Variants in ACSS2 observed in about 807,000 individuals in gnomAD.
ACSS2 encodes acyl-CoA synthetase short chain family member 2, also known as acetyl-coenzyme A synthetase, cytoplasmic.
Under a neutral mutation model 90.6 loss-of-function variants are expected in ACSS2, and 58 were observed. That is an observed-to-expected ratio of 0.64 (90% CI 0.52 to 0.80). The LOEUF is 0.80. ACSS2 is among the 30% of genes least tolerant of loss of function. ACSS2 has a pLI of 0.00. For synonymous variants in ACSS2, 300 were observed against 330.9 expected (o/e 0.91, Z 1.01); for missense variants, 759 against 912.0 (o/e 0.83, Z 2.16).
intron 2 of ACSS2, among the ~76,000 whole-genome samples, chr20:34,901,698 T>TCCAAACTTCAATAA (rs2080662519): frequency 6.6e-6 from 1 of 152,198 alleles, no homozygotes; most frequent in Non-Finnish European, 1.5e-5. Context: ...GCTGTAAAGG[T>TCCAAACTTCAATAA]CATCTCAAAC....
chr20:34,926,180 G>C lies in ACSS2; in HGVS notation c.1802G>C (p.Gly601Ala), dbSNP rs45486997. ...GCTGTTGCAGAGGCAGCTGTGGTGG[G>C]CCACCCTCATCCTGTGAAGGGTGAA... ...HEAVAEAAVV[G>A]HPHPVKGECL... Residue 601 changes from glycine to alanine, a missense_variant, in exon 16 of 18, where the codon GGC (glycine) becomes GCC (alanine). Transcript: ENST00000360596. The C allele has an allele frequency of 6.8e-3, 10,993 of 1,614,140 alleles. 569 individuals are homozygous for C. The African/African-American group carries it at 0.12, about 17-fold the overall frequency.
intron 2 of ACSS2, among the ~76,000 whole-genome samples, chr20:34,897,796 T>G (rs2080502323): frequency 6.6e-6 from 1 of 151,676 alleles, no homozygotes; most frequent in African/African-American, 2.4e-5. Flanking sequence ...GCCACCACAC[T>G]CCAGCCTGGG....
intron 2 of ACSS2, chr20:34,908,992 G>A (rs1009758667): frequency 2.3e-6 from 1 of 425,750 alleles, no homozygotes; most frequent in Non-Finnish European, 4.6e-6. Flanking sequence ...GCATTTATTT[G>A]TTAAATAAAT....
At position 34,876,630 on chromosome 20, in the gene ACSS2, C is replaced by G; in HGVS notation, c.-16C>G. 3.8e-6 allele frequency: 5 copies of G among 1,330,484 alleles called. No individual in the cohort carries two copies. Among genetic ancestry groups the G allele is most frequent in the Non-Finnish European group, 4.8e-6 (5 of 1,033,962 alleles). 82.4% of individuals were successfully genotyped at this position (1,330,484 alleles called of 1,614,324 possible). On this transcript the variant is annotated 5_prime_UTR_variant, in exon 1 of 18. Coordinates refer to ENST00000360596, the MANE Select transcript of ACSS2 (RefSeq NM_018677.4). ...CGCGACCGCAAAGGCGGCCGCGGTTCTAGGAACTTGACGTGATGGGGCTTC... is the reference window on the plus strand; with the variant it reads ...CGCGACCGCAAAGGCGGCCGCGGTTGTAGGAACTTGACGTGATGGGGCTTC...
chr20:34,902,913 A>ATT (rs2080704023), intron 2 of ACSS2, among the ~76,000 whole-genome samples: 1 of 84,756 alleles, frequency 1.2e-5, no homozygotes, highest in African/African-American at 4.1e-5. Flanking sequence ...TTTTTTTTTT[A>ATT]GTAGAGAGAG....
chr20:34,925,938 G>A (rs2081309120), intron 15 of ACSS2, among the ~76,000 whole-genome samples, 167 bp from the exon 16 acceptor site: 1 of 152,232 alleles, frequency 6.6e-6, no homozygotes, highest in South Asian at 2.1e-4. Context: ...AATGTGCCTA[G>A]AGTAGGGGAA....
At position 34,914,168 on chromosome 20, in the gene ACSS2, A is replaced by ATTT; in HGVS notation, c.716_717insTTT (p.Glu239delinsAspLeu). ...GACGAGGCCCTGCAGAAGTGTCAGG[A>ATTT]GAAGTAAGTGTGTTTGGCTACTGTC... On this transcript the variant is annotated protein_altering_variant, in exon 6 of 18. Coordinates refer to ENST00000360596, the MANE Select transcript of ACSS2 (RefSeq NM_018677.4). The ATTT allele has an allele frequency of 3.7e-6, 6 of 1,614,128 alleles. No homozygotes were observed. The highest frequency in any genetic ancestry group is 5.1e-6 in the Non-Finnish European group (6 of 1,179,994).
chr20:34,890,947 C>CAA lies in ACSS2; in HGVS notation c.374+7974_374+7975dup, dbSNP rs5841185. ...ATATGTGTGTGTGTGTATTTGAGGC[C>CAA]AAAAAAAAAAAAAAAAAGTCCCTAC... On this transcript the variant is annotated intron_variant, in intron 2 of 17. Transcript: ENST00000360596. Among the ~76,000 whole-genome samples, 1,092 of 109,788 alleles carry CAA rather than the reference C, an allele frequency of 9.9e-3. 13 individuals are homozygous for CAA. Among genetic ancestry groups the CAA allele is most frequent in the African/African-American group, 0.033 (926 of 27,906 alleles). The allele number at this position is 109,788 out of a possible 152,430, so 72.0% of individuals were successfully genotyped here.
Position 34,917,711 on chromosome 20 carries a change from A to G in ACSS2, c.835-1724A>G, listed in dbSNP as rs77317486. On this transcript the variant is annotated intron_variant, in intron 7 of 17. Coordinates refer to ENST00000360596, the MANE Select transcript of ACSS2 (RefSeq NM_018677.4). ...AAGCAAACCCCAAACAGTTCCTATC[A>G]TCACACTCTTAAGTTTTTGTGGGTT... Among the ~76,000 whole-genome samples the G allele has an allele frequency of 9.0e-3, 1,372 of 152,280 alleles. 15 individuals are homozygous for G. The highest frequency in any genetic ancestry group is 0.031 in the African/African-American group (1,294 of 41,546).
chr20:34,925,837 G>A (rs551605049), intron 15 of ACSS2, 71 bp downstream of exon 15: 11 of 1,537,502 alleles, frequency 7.2e-6, no homozygotes, highest in South Asian at 4.7e-5. Flanking sequence ...GAAGCCTTCC[G>A]CAAGAGCCCA....
intron 2 of ACSS2, among the ~76,000 whole-genome samples, chr20:34,885,537 G>A (rs979386352): frequency 6.6e-6 from 1 of 152,092 alleles, no homozygotes; most frequent in Admixed American, 6.5e-5. Context: ...ATTAGTAGGG[G>A]GCTTCTTAAT....
At position 34,921,146 on chromosome 20, in the gene ACSS2, C is replaced by A. The variant is rs1272044631; in HGVS notation, c.1277+7C>A. ...GAGATGAGCCTGTCACCAAGTGAGA[C>A]CTCTTCCCAGTTGCTGCCCTGTGGG... On this transcript the variant is annotated splice_region_variant and intron_variant, in intron 10 of 17. Transcript: ENST00000360596. 6.2e-7 allele frequency: 1 copy of A among 1,614,160 alleles called. No individual in the cohort carries two copies. The highest frequency in any genetic ancestry group is 8.5e-7 in the Non-Finnish European group (1 of 1,180,032).
rs371398054 is a variant in ACSS2 at position 34,920,529 on chromosome 20, C to T, written c.973-10C>T. 1.9e-6 allele frequency: 3 copies of T among 1,612,948 alleles called. No homozygotes were observed. Among genetic ancestry groups the T allele is most frequent in the Non-Finnish European group, 2.5e-6 (3 of 1,179,788 alleles). On this transcript the variant is annotated splice_polypyrimidine_tract_variant and intron_variant, in intron 8 of 17. Coordinates refer to ENST00000360596, the MANE Select transcript of ACSS2 (RefSeq NM_018677.4). The stretch of plus-strand genomic sequence containing the variant: ...ATAAGACCCTAACCTGTTCCCCATT[C>T]TTCCCACAGGGTGTGGTTCACACAG...
intron 2 of ACSS2, among the ~76,000 whole-genome samples, chr20:34,898,542 T>C (rs977386375): frequency 6.6e-6 from 1 of 151,490 alleles, no homozygotes; most frequent in Middle Eastern, 3.4e-3. Flanking sequence ...AGAGTGCCGA[T>C]TGGTGTATTT....
rs750558216 is a variant in ACSS2, at chr20:34,927,105, T to C, written c.1997T>C (p.Val666Ala). The change falls in exon 18 of 18, where the codon GTG becomes GCG. Residue 666 changes from valine to alanine, a missense_variant. By Grantham distance (64) the Val-to-Ala change is moderately conservative (BLOSUM62 0). Transcript: ENST00000360596. This position sits in a 1 kb window ranked among gnomAD's most constrained non-coding sequence, Gnocchi z 4.2. ...KTRSGKIMRR[V>A]LRKIAQNDHD... is the part of the protein sequence containing the mutation. ...TCCCCAGGGAAAATCATGAGGCGAGTGCTTCGGAAGATTGCTCAGAATGAC... is the reference window on the plus strand; with the variant it reads ...TCCCCAGGGAAAATCATGAGGCGAGCGCTTCGGAAGATTGCTCAGAATGAC... 35 of 1,613,764 alleles carry C rather than the reference T, an allele frequency of 2.2e-5. No individual in the cohort carries two copies. Among genetic ancestry groups the C allele is most frequent in the Non-Finnish European group, 2.8e-5 (33 of 1,179,976 alleles).
rs59343003 is a variant in ACSS2, at chr20:34,919,576, AGTGT to A, written c.972+45_972+48del. Reference sequence around the variant, plus strand: ...TGGCTCCACAGGCAAACCCAAGGCAAGTGTGTGTGTGTGTGTGTGTGTGTGTGTG... The same window carrying A: ...TGGCTCCACAGGCAAACCCAAGGCAAGTGTGTGTGTGTGTGTGTGTGTGTG... On this transcript the variant is annotated splice_donor_5th_base_variant and intron_variant, in intron 8 of 17. Coordinates refer to ENST00000360596, the MANE Select transcript of ACSS2 (RefSeq NM_018677.4). 0.21 allele frequency: 302,873 copies of A among 1,449,382 alleles called. 7,612 individuals carry two copies. The highest frequency in any genetic ancestry group is 0.32 in the African/African-American group (22,012 of 67,902). 89.8% of individuals were successfully genotyped at this position (1,449,382 alleles called of 1,614,324 possible). A position where few individuals can be genotyped will look rare whatever the true frequency, so the allele number is the denominator to read the frequency against.
chr20:34,921,189 T>C (rs1233656479), intron 10 of ACSS2, 50 bp downstream of exon 10: 1 of 1,613,108 alleles, frequency 6.2e-7, no homozygotes, highest in African/African-American at 1.3e-5. Context: ...CAGAGCTGGG[T>C]GCTGGCCTTT....
intron 2 of ACSS2, among the ~76,000 whole-genome samples, chr20:34,904,049 A>T (rs1461060347): frequency 1.3e-5 from 2 of 152,088 alleles, no homozygotes; most frequent in Non-Finnish European, 2.9e-5. Context: ...GTATAATGGG[A>T]AAGATAAGGC....
chr20:34,881,335 C>T (rs1370133301), intron 1 of ACSS2, among the ~76,000 whole-genome samples: 1 of 152,048 alleles, frequency 6.6e-6, no homozygotes, highest in Non-Finnish European at 1.5e-5. Flanking sequence ...CAGTGCCTGG[C>T]ATCCTCTAAC....
Sources: gnomAD v4.1 joint callset for allele counts (sites outside exome capture counted in the v4.1 genomes callset) on GRCh38, gnomAD v4.1.1 for gene constraint, Gnocchi (gnomAD v3.1) non-coding constraint, MANE v1.5 for transcripts, NCBI Gene and HGNC (gene_info 2026-07-23, HGNC 2026-07-21) for gene names.